CACNA1C: variants seen among roughly 807,000 people sequenced by gnomAD.
The protein encoded by CACNA1C is voltage-dependent L-type calcium channel subunit alpha-1C.
A neutral mutation model predicts 229.0 loss-of-function variants in CACNA1C; 30 were observed. That is an observed-to-expected ratio of 0.13 (90% confidence interval 0.10 to 0.18). The LOEUF (loss-of-function observed/expected upper bound fraction) is 0.18. Among genes scored for constraint, CACNA1C ranks in the 10% least tolerant of loss-of-function variants. CACNA1C has a pLI of 1.00. For synonymous variants in CACNA1C, 1,114 were observed against 1,132.5 expected (o/e 0.98, Z 0.33); for missense variants, 1,658 against 2,845.0 (o/e 0.58, Z 9.49).
chr12:2,315,325 C>T (rs1029538185), intron 3 of CACNA1C, among the ~76,000 whole-genome samples: 2 of 152,220 alleles, frequency 1.3e-5, no homozygotes, highest in Non-Finnish European at 2.9e-5. Context: ...TTTGTGCCAA[C>T]AATCTGGGCA....
chr12:2,400,272 C>T (rs1418641036), intron 3 of CACNA1C, among the ~76,000 whole-genome samples: 3 of 152,158 alleles, frequency 2.0e-5, no homozygotes, highest in Non-Finnish European at 2.9e-5. Flanking sequence ...TCCTTCGTGC[C>T]CTATTGCCTC....
intron 11 of CACNA1C, 82 bp downstream of exon 11, chr12:2,557,059 A>G (rs952463389): frequency 2.7e-6 from 3 of 1,129,034 alleles, no homozygotes; most frequent in Middle Eastern, 3.9e-4. Flanking sequence ...CCAAGGTAAT[A>G]CCTACAAGTT....
intron 3 of CACNA1C, among the ~76,000 whole-genome samples, chr12:2,315,943 GAAC>G (rs2095666711): frequency 3.3e-5 from 5 of 152,320 alleles, no homozygotes; most frequent in Middle Eastern, 3.4e-3. Flanking sequence ...TCGGGCAAGA[GAAC>G]AACAACAGAA....
At chr12:2,614,212 C>G (rs2079261012) in intron 29 of CACNA1C, 1 of 152,210 alleles carries the variant, frequency 6.6e-6, no homozygotes, top group Non-Finnish European at 1.5e-5. Flanking sequence ...TCCTCTGTCC[C>G]TGGTTTTCTA....
intron 3 of CACNA1C, among the ~76,000 whole-genome samples, chr12:2,125,300 G>A (rs1176396098): frequency 6.6e-6 from 1 of 152,106 alleles, no homozygotes; most frequent in African/African-American, 2.4e-5. Context: ...TGAGCTTAGG[G>A]CCAAAAGTAC....
At chr12:2,525,268 G>T (rs1039810190) in intron 9 of CACNA1C, among the ~76,000 whole-genome samples, 1 of 152,180 alleles carries the variant, frequency 6.6e-6, no homozygotes, top group Admixed American at 6.5e-5. Context: ...AGCTGGAGGC[G>T]GAGTGGGGGT....
At chr12:2,540,491 G>T (rs1296153783) in intron 9 of CACNA1C, among the ~76,000 whole-genome samples, 1 of 152,034 alleles carries the variant, frequency 6.6e-6, no homozygotes, top group Non-Finnish European at 1.5e-5. Context: ...TTCTAGAAAG[G>T]GCCAGAGAGT....
chr12:2,052,118 T>C (rs142557076), upstream of CACNA1C, among the ~76,000 whole-genome samples: 21 of 152,236 alleles, frequency 1.4e-4, no homozygotes, highest in African/African-American at 4.8e-4. Context: ...AGTGTTTGCT[T>C]CTCCGGGAAG....
At chr12:2,320,502 C>T (rs2095925863) in intron 3 of CACNA1C, among the ~76,000 whole-genome samples, 1 of 152,220 alleles carries the variant, frequency 6.6e-6, no homozygotes, top group Non-Finnish European at 1.5e-5. Context: ...AGAATGTACA[C>T]GTGATTAATC....
chr12:2,323,688 C>T (rs4765921), intron 3 of CACNA1C, among the ~76,000 whole-genome samples: 4,974 of 152,292 alleles, frequency 0.033, 185 homozygotes, highest in African/African-American at 0.086. Flanking sequence ...TTATCTTCTG[C>T]GAGCTCATGC....
chr12:2,382,669 T>C lies in CACNA1C; in HGVS notation c.478-66307T>C, dbSNP rs140264886. Reference sequence around the variant, plus strand: ...GGAGCCAACCTTGTGTGTGCTGAGATTCGAAACCAGTCATATATCCCATAA... The same window carrying C: ...GGAGCCAACCTTGTGTGTGCTGAGACTCGAAACCAGTCATATATCCCATAA... On this transcript the variant is annotated intron_variant, in intron 3 of 46. Transcript: ENST00000399655. Among the ~76,000 whole-genome samples, 752 of 152,264 alleles carry C rather than the reference T, an allele frequency of 4.9e-3. 6 individuals carry two copies. Among genetic ancestry groups the C allele is most frequent in the African/African-American group, 0.017 (719 of 41,536 alleles).
At chr12:2,008,827 G>A (rs2043917066) in intron 1 of CACNA1C, among the ~76,000 whole-genome samples, 1 of 152,076 alleles carries the variant, frequency 6.6e-6, no homozygotes, top group Non-Finnish European at 1.5e-5. Flanking sequence ...CATCTCCCTG[G>A]CCCACAGAGA....
intron 1 of CACNA1C, among the ~76,000 whole-genome samples, chr12:2,025,164 G>A (rs373373438): frequency 5.9e-5 from 9 of 152,242 alleles, no homozygotes; most frequent in African/African-American, 9.6e-5. Context: ...TTCTGTGGTC[G>A]TAGTGAAGGC....
intron 3 of CACNA1C, among the ~76,000 whole-genome samples, chr12:2,284,893 A>G (rs2092369815): frequency 1.3e-5 from 2 of 152,226 alleles, no homozygotes; most frequent in Non-Finnish European, 1.5e-5. Flanking sequence ...TTAGAGCCTG[A>G]AGCCTCCTCC....
intron 2 of CACNA1C, among the ~76,000 whole-genome samples, chr12:2,118,152 T>C (rs2084852436): frequency 6.6e-6 from 1 of 152,066 alleles, no homozygotes; most frequent in Admixed American, 6.5e-5. Flanking sequence ...GATGGATAGG[T>C]GGAGAGTCTG....
Position 2,582,930 on chromosome 12 carries a change from A to G in CACNA1C, c.2212A>G (p.Ile738Val). 6.4e-7 allele frequency: 1 copy of G among 1,573,300 alleles called. No individual in the cohort carries two copies. Among genetic ancestry groups the G allele is most frequent in the Non-Finnish European group, 8.6e-7 (1 of 1,158,290 alleles). ...LVCIYFIILF[I>V]CGNYILLNVF... ...CTGTATTTACTTCATCATCCTCTTC[A>G]TCTGTGGAAACTGTATCCTTTGCTG... The change falls in exon 15 of 47, where the codon ATC (isoleucine) becomes GTC (valine). Residue 738 changes from isoleucine to valine, a missense_variant. Transcript: ENST00000399655.
chr12:2,255,701 G>A (rs2077215738), intron 3 of CACNA1C, among the ~76,000 whole-genome samples: 1 of 152,236 alleles, frequency 6.6e-6, no homozygotes, highest in South Asian at 2.1e-4. Context: ...AGTCAGATGA[G>A]ATTCCTCCTC....
intron 1 of CACNA1C, among the ~76,000 whole-genome samples, chr12:2,057,537 A>G (rs1430569411): frequency 6.6e-6 from 1 of 152,056 alleles, no homozygotes. Context: ...GGTAACCCAA[A>G]AGACCAGTGT....
chr12:2,631,316 T>C (rs1301129212), intron 29 of CACNA1C, among the ~76,000 whole-genome samples: 1 of 152,194 alleles, frequency 6.6e-6, no homozygotes, highest in Non-Finnish European at 1.5e-5. Flanking sequence ...CTTGCACGCT[T>C]TCTAGGCTGA....
Sources: gnomAD v4.1 joint callset for allele counts (sites outside exome capture counted in the v4.1 genomes callset) on GRCh38, gnomAD v4.1.1 for gene constraint, MANE v1.5 for transcripts, NCBI Gene and HGNC (gene_info 2026-07-23, HGNC 2026-07-21) for gene names.